Variants in ATP8B4 observed in about 807,000 individuals in gnomAD.
ATP8B4 encodes probable phospholipid-transporting ATPase IM.
A neutral mutation model predicts 145.6 loss-of-function variants in ATP8B4; 133 were observed. The ratio of observed to expected loss-of-function variants is 0.91; its 90% CI spans 0.79 to 1.05. ATP8B4 has a LOEUF of 1.05. Among genes scored for constraint, ATP8B4 ranks in the 50% least tolerant of loss-of-function variants. The pLI is 0.00. For missense variants in ATP8B4, 1,458 were observed against 1,425.2 expected, an observed-to-expected ratio of 1.02 and a Z score of -0.37; for synonymous variants, 507 against 492.9, an observed-to-expected ratio of 1.03 and a Z score of -0.38.
chr15:49,987,396 A>G lies in ATP8B4; in HGVS notation c.743T>C (p.Phe248Ser), dbSNP rs1567148830. 1 of 1,613,644 alleles carries G rather than the reference A, an allele frequency of 6.2e-7. No homozygotes were observed. ...NTSWCFGMVIFAGPDTKLMQN... is the reference protein window; with the variant it reads ...NTSWCFGMVISAGPDTKLMQN... ...CCTTGGGTCACATGCTGTACCTGCAAAAATAACCATTCCAAAACACCAGCT... is the reference window on the plus strand; with the variant it reads ...CCTTGGGTCACATGCTGTACCTGCAGAAATAACCATTCCAAAACACCAGCT... Residue 248 changes from phenylalanine to serine, a missense_variant, in exon 10 of 28, where the codon TTT becomes TCT. Phe to Ser is a radical substitution (Grantham distance 155, BLOSUM62 -2). Coordinates refer to ENST00000284509, the MANE Select transcript of ATP8B4 (RefSeq NM_024837.4).
intron 13 of ATP8B4, among the ~76,000 whole-genome samples, chr15:49,963,354 C>T (rs1327658542): frequency 1.3e-5 from 2 of 152,112 alleles, no homozygotes; most frequent in African/African-American, 4.8e-5. Context: ...GACAGTGTGG[C>T]GATTCCTCAA....
At chr15:50,135,781 T>A (rs1277974118) in intron 1 of ATP8B4, among the ~76,000 whole-genome samples, 2 of 152,162 alleles carry the variant, frequency 1.3e-5, no homozygotes, top group Non-Finnish European at 2.9e-5. Context: ...AAGAGAAATG[T>A]CCTAGGCTCC....
At chr15:50,155,923 G>A (rs1595654249) in intron 1 of ATP8B4, among the ~76,000 whole-genome samples, 1 of 151,230 alleles carries the variant, frequency 6.6e-6, no homozygotes, top group Non-Finnish European at 1.5e-5. Flanking sequence ...GGATAAAGAA[G>A]TTTGGTTTTA....
chr15:49,875,529 T>C (rs960956382), intron 25 of ATP8B4, among the ~76,000 whole-genome samples: 5 of 152,172 alleles, frequency 3.3e-5, no homozygotes, highest in African/African-American at 7.2e-5. Context: ...GAGCTACAGA[T>C]AGTAATAGAG....
chr15:49,960,734 T>A (rs780219072), intron 14 of ATP8B4, among the ~76,000 whole-genome samples: 1 of 152,150 alleles, frequency 6.6e-6, no homozygotes, highest in Non-Finnish European at 1.5e-5. Context: ...GGGAAAAGAA[T>A]ACATAAAACT....
chr15:50,139,406 G>T (rs1027929403), intron 1 of ATP8B4, among the ~76,000 whole-genome samples: 3 of 152,004 alleles, frequency 2.0e-5, no homozygotes, highest in African/African-American at 7.3e-5. Context: ...TGGACACAGG[G>T]AGGGGAACAT....
intron 23 of ATP8B4, chr15:49,895,850 T>G (rs1225712971): frequency 1.3e-5 from 2 of 152,254 alleles, no homozygotes; most frequent in African/African-American, 4.8e-5. Context: ...GCTTTGTGCG[T>G]CTGCAAATAC....
chr15:50,052,558 C>A (rs895463900), intron 3 of ATP8B4, among the ~76,000 whole-genome samples: 1 of 152,170 alleles, frequency 6.6e-6, no homozygotes, highest in Non-Finnish European at 1.5e-5. Context: ...TGAGCTGAGG[C>A]CCATTATTCC....
chr15:50,160,637 G>A (rs78045043), intron 1 of ATP8B4, among the ~76,000 whole-genome samples: 2,091 of 150,930 alleles, frequency 0.014, 50 homozygotes, highest in African/African-American at 0.049. Context: ...TGAGTCACTG[G>A]TCATTCAGGA....
intron 3 of ATP8B4, among the ~76,000 whole-genome samples, chr15:50,073,019 T>TATATACACACACAC (rs1455088682): frequency 6.2e-5 from 2 of 32,456 alleles, no homozygotes; most frequent in Non-Finnish European, 1.1e-4. Flanking sequence ...TATATATATA[T>TATATACACACACAC]ACACACACAC....
At position 50,124,799 on chromosome 15, in the gene ATP8B4, G is replaced by A. The variant is rs113130289; in HGVS notation, c.-42-17791C>T. Among the ~76,000 whole-genome samples the A allele has an allele frequency of 2.4e-3, 373 of 152,246 alleles. 2 individuals carry two copies. Among genetic ancestry groups the A allele is most frequent in the African/African-American group, 8.7e-3 (362 of 41,542 alleles). On this transcript the variant is annotated intron_variant, in intron 1 of 3. Coordinates refer to the ATP8B4 transcript ENST00000558829. The stretch of plus-strand genomic sequence containing the variant: ...GCAAGCCCACTCACCAAAACCAGGT[G>A]ATTTGCATTTAATTTGCCCTTTCAA...
chr15:49,865,917 G>A (rs2032713908), intron 26 of ATP8B4, among the ~76,000 whole-genome samples: 2 of 152,166 alleles, frequency 1.3e-5, no homozygotes, highest in Admixed American at 1.3e-4. Flanking sequence ...ATTATACATT[G>A]TTTCATTCTT....
intron 14 of ATP8B4, 145 bp from the exon 15 acceptor site, chr15:49,934,327 TA>T: frequency 1.1e-6 from 1 of 877,198 alleles, no homozygotes; most frequent in Non-Finnish European, 1.7e-6. Context: ...GTTTCATCAT[TA>T]CTGTTAAATA....
Position 49,867,564 on chromosome 15 carries a change from C to T in ATP8B4, c.3028-1080G>A, listed in dbSNP as rs529755183. ...CTGCCAAGACATCTCACCAAAATCT[C>T]CAACTTTACCTTCCACCACCTGTTA... is the stretch of plus-strand genomic sequence containing the variant. On this transcript the variant is annotated intron_variant, in intron 25 of 27. Coordinates refer to ENST00000284509, the MANE Select transcript of ATP8B4 (RefSeq NM_024837.4). Among the ~76,000 whole-genome samples the T allele has an allele frequency of 4.3e-4, 66 of 152,332 alleles. No homozygotes were observed. In the South Asian group the frequency reaches 0.013, roughly 31 times the overall value.
chr15:49,914,529 C>T (rs975948229), intron 20 of ATP8B4, among the ~76,000 whole-genome samples: 1 of 152,002 alleles, frequency 6.6e-6, no homozygotes, highest in Non-Finnish European at 1.5e-5. Context: ...AATCAACAGA[C>T]TGAAGAGACA....
intron 24 of ATP8B4, among the ~76,000 whole-genome samples, chr15:49,877,884 C>T (rs1187862024): frequency 6.6e-6 from 1 of 152,176 alleles, no homozygotes; most frequent in Non-Finnish European, 1.5e-5. Flanking sequence ...GTAGCAACCT[C>T]AAAGTTAAGA....
At chr15:50,132,413 C>G (rs774464826) in intron 1 of ATP8B4, among the ~76,000 whole-genome samples, 3 of 152,176 alleles carry the variant, frequency 2.0e-5, no homozygotes, top group Non-Finnish European at 4.4e-5. Flanking sequence ...CAATAAGACA[C>G]CATCTCATGC....
intron 25 of ATP8B4, among the ~76,000 whole-genome samples, chr15:49,875,452 C>G (rs1566909588): frequency 6.6e-6 from 1 of 152,166 alleles, no homozygotes; most frequent in Non-Finnish European, 1.5e-5. Context: ...TAATTATTAA[C>G]AGTTTGCTCA....
At chr15:49,972,866 A>G in intron 12 of ATP8B4, 76 bp from the exon 13 acceptor site, 1 of 1,458,688 alleles carries the variant, frequency 6.9e-7, no homozygotes, top group South Asian at 1.3e-5. Context: ...TGCCAAAATA[A>G]GAAGTCTGCC....
Sources: gnomAD v4.1 joint callset for allele counts (sites outside exome capture counted in the v4.1 genomes callset) on GRCh38, gnomAD v4.1.1 for gene constraint, MANE v1.5 for transcripts, NCBI Gene and HGNC (gene_info 2026-07-23, HGNC 2026-07-21) for gene names.